The following PKNOX2 variants were observed in gnomAD, a reference collection of about 807,000 sequenced individuals.
PKNOX2 encodes the protein PBX/knotted 1 homeobox 2, also known as homeobox protein PKNOX2.
In PKNOX2, 14 loss-of-function variants were observed where a neutral mutation model predicts 53.1. That is an observed-to-expected ratio of 0.26 (90% CI 0.17 to 0.41). The LOEUF (loss-of-function observed/expected upper bound fraction) is 0.41, where lower values mean the gene tolerates loss of function less well. Ranked by LOEUF, PKNOX2 falls within the 10% of genes least tolerant of loss-of-function variation. The probability of loss-of-function intolerance (pLI) is 1.00; values close to 1 mark genes in which losing one functional copy is unlikely to be tolerated. For missense variants in PKNOX2, 496 were observed against 602.8 expected, an observed-to-expected ratio of 0.82 and a Z score of 1.85; for synonymous variants, 257 against 242.8, an observed-to-expected ratio of 1.06 and a Z score of -0.54.
At chr11:125,331,768 C>T (rs988350041) in intron 2 of PKNOX2, 51 bp from the exon 3 acceptor site, 2 of 152,352 alleles carry the variant, frequency 1.3e-5, no homozygotes, top group Admixed American at 6.5e-5. Flanking sequence ...CTCTGACCAC[C>T]CCTGCACTTC....
chr11:125,243,422 G>A (rs1026126088), intron 2 of PKNOX2, among the ~76,000 whole-genome samples: 2 of 152,238 alleles, frequency 1.3e-5, no homozygotes, highest in East Asian at 1.9e-4. Context: ...CATGGAAATC[G>A]TCTTCCCAAG....
intron 6 of PKNOX2, among the ~76,000 whole-genome samples, chr11:125,387,399 TG>T (rs949288827): frequency 1.3e-5 from 2 of 152,158 alleles, no homozygotes; most frequent in Non-Finnish European, 2.9e-5. Flanking sequence ...GGAGGAGTTC[TG>T]GGGGAACAAA....
chr11:125,207,423 G>T (rs1939266603), intron 1 of PKNOX2, among the ~76,000 whole-genome samples: 1 of 152,044 alleles, frequency 6.6e-6, no homozygotes, highest in African/African-American at 2.4e-5. Flanking sequence ...CTCCCAGGGA[G>T]CATGTGCAGA....
At chr11:125,173,690 A>G (rs1274639266) in intron 1 of PKNOX2, among the ~76,000 whole-genome samples, 1 of 152,202 alleles carries the variant, frequency 6.6e-6, no homozygotes, top group East Asian at 1.9e-4. Flanking sequence ...TAGATTTAGG[A>G]GCAGGGGATA....
intron 10 of PKNOX2, among the ~76,000 whole-genome samples, chr11:125,420,922 A>G (rs1393619465): frequency 6.6e-6 from 1 of 152,202 alleles, no homozygotes; most frequent in Non-Finnish European, 1.5e-5. Flanking sequence ...AGCAGAGAGC[A>G]GTCTCTCGCC....
At chr11:125,368,950 G>T (rs1952354115) in intron 5 of PKNOX2, among the ~76,000 whole-genome samples, 1 of 152,188 alleles carries the variant, frequency 6.6e-6, no homozygotes, top group African/African-American at 2.4e-5. Context: ...ATCAGCAAGT[G>T]TGGCTCGCCT....
chr11:125,414,763 G>A (rs546042020), intron 10 of PKNOX2, among the ~76,000 whole-genome samples: 45 of 151,106 alleles, frequency 3.0e-4, no homozygotes, highest in East Asian at 9.7e-4. Flanking sequence ...AAAAAAAGAA[G>A]CTAATACTTA....
At chr11:125,254,650 C>A (rs1032389158) in intron 2 of PKNOX2, among the ~76,000 whole-genome samples, 1 of 152,226 alleles carries the variant, frequency 6.6e-6, no homozygotes. Flanking sequence ...CGCATTGTGA[C>A]ACTACCTGTC....
intron 1 of PKNOX2, among the ~76,000 whole-genome samples, chr11:125,200,175 G>A (rs758756173): frequency 2.6e-5 from 4 of 152,310 alleles, no homozygotes; most frequent in South Asian, 4.1e-4. Flanking sequence ...AGGGACCAGA[G>A]GGCCCCACTG....
chr11:125,221,564 C>T (rs893406357), intron 1 of PKNOX2, among the ~76,000 whole-genome samples: 17 of 152,100 alleles, frequency 1.1e-4, no homozygotes, highest in African/African-American at 4.1e-4. Flanking sequence ...GAGATACGGC[C>T]ACACTCTTGG....
chr11:125,298,273 C>T (rs1188835785), intron 2 of PKNOX2, among the ~76,000 whole-genome samples: 1 of 152,150 alleles, frequency 6.6e-6, no homozygotes, highest in African/African-American at 2.4e-5. Flanking sequence ...CACTGGGAGA[C>T]CTGGAAAATT....
At chr11:125,169,166 G>T (rs1955100965) in intron 1 of PKNOX2, among the ~76,000 whole-genome samples, 1 of 152,200 alleles carries the variant, frequency 6.6e-6, no homozygotes, top group African/African-American at 2.4e-5. Flanking sequence ...ACGCAGATCC[G>T]AGCATGGAGA....
chr11:125,270,503 C>A (rs957101755), intron 2 of PKNOX2, among the ~76,000 whole-genome samples: 3 of 152,230 alleles, frequency 2.0e-5, no homozygotes, highest in African/African-American at 7.2e-5. Context: ...CTGTAATTGT[C>A]CCACGCCTGG....
intron 4 of PKNOX2, among the ~76,000 whole-genome samples, chr11:125,357,462 A>G: frequency 6.6e-6 from 1 of 152,194 alleles, no homozygotes; most frequent in South Asian, 2.1e-4. Context: ...TACCAAAAAC[A>G]GAGATTTTAT....
intron 1 of PKNOX2, among the ~76,000 whole-genome samples, chr11:125,228,196 A>G (rs1338393160): frequency 6.6e-6 from 1 of 152,264 alleles, no homozygotes; most frequent in African/African-American, 2.4e-5. Context: ...TGAGCCGTCC[A>G]GTATGACAGC....
At chr11:125,311,374 G>C (rs971042877) in intron 2 of PKNOX2, among the ~76,000 whole-genome samples, 1 of 152,072 alleles carries the variant, frequency 6.6e-6, no homozygotes, top group Non-Finnish European at 1.5e-5. Context: ...TAGATACTGC[G>C]AGCGATACAA....
At chr11:125,189,367 A>G (rs1354448214) in intron 1 of PKNOX2, among the ~76,000 whole-genome samples, 3 of 95,164 alleles carry the variant, frequency 3.2e-5, no homozygotes, top group African/African-American at 1.2e-4. Flanking sequence ...ATATATATAT[A>G]TGTATATATA....
chr11:125,322,162 T>C (rs1040274710), intron 2 of PKNOX2, among the ~76,000 whole-genome samples: 1 of 152,016 alleles, frequency 6.6e-6, no homozygotes, highest in Non-Finnish European at 1.5e-5. Flanking sequence ...GTAGGAGCCA[T>C]GTCATGAAAG....
chr11:125,390,463 C>A (rs1953977787), intron 6 of PKNOX2, among the ~76,000 whole-genome samples: 1 of 152,208 alleles, frequency 6.6e-6, no homozygotes, highest in African/African-American at 2.4e-5. Context: ...ACCCACAGTG[C>A]AACTCTGAGG....
Sources: allele counts gnomAD v4.1 joint callset (sites outside exome capture counted in the v4.1 genomes callset), GRCh38; gene constraint gnomAD v4.1.1; transcripts MANE v1.5; gene names NCBI Gene and HGNC (gene_info 2026-07-23, HGNC 2026-07-21).